Variants in CSMD1 observed in about 807,000 individuals in gnomAD.
CSMD1 encodes the protein CUB and sushi domain-containing protein 1.
In CSMD1, 213 loss-of-function variants were observed where a neutral mutation model predicts 417.5. The ratio of observed to expected loss-of-function variants is 0.51; its 90% CI spans 0.46 to 0.57. The LOEUF is 0.57. CSMD1 is among the 20% of genes least tolerant of loss of function. The pLI, the probability that CSMD1 is intolerant of heterozygous loss-of-function variation, is 0.00. For missense variants in CSMD1, 6,923 were observed against 4,529.7 expected, an observed-to-expected ratio of 1.53 and a Z score of -15.17; for synonymous variants, 2,862 against 1,736.8, an observed-to-expected ratio of 1.65 and a Z score of -16.11.
intron 22 of CSMD1, among the ~76,000 whole-genome samples, chr8:3,345,584 C>T (rs372498429): frequency 6.6e-6 from 1 of 152,120 alleles, no homozygotes; most frequent in Non-Finnish European, 1.5e-5. Context: ...ACAACATTTC[C>T]TAGTTATATT....
intron 2 of CSMD1, among the ~76,000 whole-genome samples, chr8:4,553,790 C>G (rs1005277018): frequency 1.6e-4 from 24 of 152,248 alleles, no homozygotes; most frequent in African/African-American, 5.8e-4. Flanking sequence ...CTATGTCTGC[C>G]ATGAAAAGAC....
chr8:4,070,000 T>C (rs771985273), intron 3 of CSMD1, among the ~76,000 whole-genome samples: 6 of 152,180 alleles, frequency 3.9e-5, no homozygotes, highest in Non-Finnish European at 7.3e-5. Flanking sequence ...TCCTTTAGAA[T>C]GTTCAATGTT....
intron 26 of CSMD1, among the ~76,000 whole-genome samples, chr8:3,249,834 T>C (rs1800140649): frequency 6.6e-6 from 1 of 152,364 alleles, no homozygotes; most frequent in African/African-American, 2.4e-5. Context: ...ATGTTTATTT[T>C]GCAAATGGCT....
At chr8:3,742,875 T>G (rs979214361) in intron 6 of CSMD1, among the ~76,000 whole-genome samples, 1 of 152,246 alleles carries the variant, frequency 6.6e-6, no homozygotes, top group Non-Finnish European at 1.5e-5. Flanking sequence ...CTAAATGTGT[T>G]ATGACTGCAA....
chr8:4,507,073 C>G (rs576492083), intron 2 of CSMD1, among the ~76,000 whole-genome samples: 2 of 152,138 alleles, frequency 1.3e-5, no homozygotes, highest in African/African-American at 4.8e-5. Flanking sequence ...TTTAGTAATG[C>G]TTATTGATTA....
chr8:4,321,289 G>A (rs1351656299), intron 3 of CSMD1, among the ~76,000 whole-genome samples: 2 of 152,118 alleles, frequency 1.3e-5, no homozygotes. Context: ...TATGTTCAGA[G>A]CTGACCCAGT....
intron 18 of CSMD1, among the ~76,000 whole-genome samples, chr8:3,370,507 T>C (rs557176197): frequency 4.0e-4 from 61 of 152,316 alleles, no homozygotes; most frequent in Non-Finnish European, 7.6e-4. Context: ...GTGAAGGTTA[T>C]GTGCCAGTGT....
chr8:4,894,656 T>G (rs1487512741), intron 1 of CSMD1, among the ~76,000 whole-genome samples: 1 of 151,922 alleles, frequency 6.6e-6, no homozygotes, highest in African/African-American at 2.4e-5. Flanking sequence ...AAAGGGATTT[T>G]AATGTGTTTC....
At chr8:4,537,844 C>A (rs545355330) in intron 2 of CSMD1, among the ~76,000 whole-genome samples, 1 of 152,294 alleles carries the variant, frequency 6.6e-6, no homozygotes, top group South Asian at 2.1e-4. Context: ...GCAGAAGCAG[C>A]ACTTTTTGCA....
chr8:3,825,651 G>T (rs752779111), intron 5 of CSMD1, among the ~76,000 whole-genome samples: 1 of 152,082 alleles, frequency 6.6e-6, no homozygotes. Context: ...AGCCAAATGC[G>T]ACTGAGGCCA....
intron 57 of CSMD1, among the ~76,000 whole-genome samples, chr8:2,968,728 G>C (rs1179759436): frequency 6.6e-6 from 1 of 151,978 alleles, no homozygotes; most frequent in African/African-American, 2.4e-5. Flanking sequence ...CAAAACAATA[G>C]ATTAAATTTA....
At chr8:3,637,726 T>C (rs1797118613) in intron 7 of CSMD1, among the ~76,000 whole-genome samples, 1 of 152,130 alleles carries the variant, frequency 6.6e-6, no homozygotes, top group South Asian at 2.1e-4. Context: ...AGGGATATGG[T>C]TTGGCTGTGT....
chr8:3,290,067 C>T (rs1250066738), intron 25 of CSMD1, among the ~76,000 whole-genome samples: 2 of 147,038 alleles, frequency 1.4e-5, no homozygotes, highest in Non-Finnish European at 2.9e-5. Context: ...TTCCCAGCAC[C>T]ATTTATTAAA....
At chr8:2,940,698 T>C (rs1801810608) in intron 69 of CSMD1, among the ~76,000 whole-genome samples, 1 of 152,218 alleles carries the variant, frequency 6.6e-6, no homozygotes, top group South Asian at 2.1e-4. Context: ...GATATTTATG[T>C]ATAAATATGC....
chr8:3,811,223 G>A (rs1801056359), intron 5 of CSMD1, among the ~76,000 whole-genome samples: 2 of 152,134 alleles, frequency 1.3e-5, no homozygotes, highest in Non-Finnish European at 2.9e-5. Flanking sequence ...GGCAATCTGT[G>A]AGTATGAAAC....
intron 3 of CSMD1, among the ~76,000 whole-genome samples, chr8:4,205,172 T>C (rs1452292520): frequency 1.3e-5 from 2 of 152,204 alleles, no homozygotes; most frequent in African/African-American, 4.8e-5. Context: ...GAAAACTGGG[T>C]GAAGAAACAT....
chr8:4,850,002 T>C (rs913215158), intron 1 of CSMD1, among the ~76,000 whole-genome samples: 2 of 152,198 alleles, frequency 1.3e-5, no homozygotes, highest in African/African-American at 2.4e-5. Flanking sequence ...GCAGCAGACA[T>C]GCGGGTTCTA....
intron 46 of CSMD1, among the ~76,000 whole-genome samples, chr8:3,105,858 T>C (rs1816101306): frequency 6.6e-6 from 1 of 152,224 alleles, no homozygotes; most frequent in Non-Finnish European, 1.5e-5. Flanking sequence ...AAGGAAATAC[T>C]TTGTAAGTTT....
intron 4 of CSMD1, among the ~76,000 whole-genome samples, chr8:4,000,789 T>G (rs979656092): frequency 1.3e-5 from 2 of 152,082 alleles, no homozygotes; most frequent in African/African-American, 4.8e-5. Context: ...GAATTCATTA[T>G]ATACTACAAA....
Sources: gnomAD v4.1 joint callset for allele counts (sites outside exome capture counted in the v4.1 genomes callset) on GRCh38, gnomAD v4.1.1 for gene constraint, MANE v1.5 for transcripts, NCBI Gene and HGNC (gene_info 2026-07-23, HGNC 2026-07-21) for gene names.